Variants in MTUS1 observed in about 807,000 individuals in gnomAD.
MTUS1 encodes microtubule associated scaffold protein 1, also known as microtubule-associated tumor suppressor 1.
A neutral mutation model predicts 120.8 loss-of-function variants in MTUS1; 109 were observed. That is an observed-to-expected ratio of 0.90 (90% CI 0.77 to 1.06). MTUS1 has a LOEUF of 1.06. MTUS1 is among the 50% of genes least tolerant of loss of function. The pLI is 0.00. For synonymous variants in MTUS1, 737 were observed against 550.5 expected, an observed-to-expected ratio of 1.34 and a Z score of -4.74; for missense variants, 2,210 against 1,486.3, an observed-to-expected ratio of 1.49 and a Z score of -8.01.
intron 8 of MTUS1, among the ~76,000 whole-genome samples, chr8:17,659,942 CCATT>C (rs1167538144): frequency 2.0e-5 from 3 of 152,158 alleles, no homozygotes; most frequent in African/African-American, 7.2e-5. Context: ...ATGAATCTGA[CCATT>C]CAGTACCTCA....
intron 1 of MTUS1, among the ~76,000 whole-genome samples, chr8:17,775,829 G>A (rs2050382556): frequency 6.6e-6 from 1 of 152,088 alleles, no homozygotes; most frequent in Admixed American, 6.5e-5. Flanking sequence ...CCCAGTGGGG[G>A]CCTAAAAATA....
At chr8:17,779,197 C>T (rs2050686994) in intron 1 of MTUS1, among the ~76,000 whole-genome samples, 1 of 152,174 alleles carries the variant, frequency 6.6e-6, no homozygotes, top group African/African-American at 2.4e-5. Context: ...TTAACAGCAA[C>T]TCAACTGTTT....
intron 3 of MTUS1, among the ~76,000 whole-genome samples, chr8:17,727,448 T>TGGAGCTCTTACTGGACA (rs1488243000): frequency 1.3e-5 from 2 of 152,206 alleles, no homozygotes; most frequent in African/African-American, 4.8e-5. Context: ...GAGTTCAGAA[T>TGGAGCTCTTACTGGACA]GGAGCTCTTA....
chr8:17,675,294 G>A (rs1812866491), intron 7 of MTUS1, 42 bp from the exon 8 acceptor site: 10 of 1,573,908 alleles, frequency 6.4e-6, no homozygotes, highest in African/African-American at 1.3e-5. Flanking sequence ...TTTCAAGAGG[G>A]TCCCTTTCAG....
intron 7 of MTUS1, 53 bp from the exon 8 acceptor site, chr8:17,675,305 T>A: frequency 6.5e-7 from 1 of 1,532,130 alleles, no homozygotes. Context: ...TCCCTTTCAG[T>A]AAGGTACACA....
Position 17,714,841 on chromosome 8 carries a change from C to G in MTUS1, c.2584+926G>C, listed in dbSNP as rs148398604. On this transcript the variant is annotated intron_variant, in intron 5 of 14. Coordinates refer to ENST00000693296, the MANE Select transcript of MTUS1 (RefSeq NM_001363059.2). ...TTTTATAGGTCAAGTTTCTCACTCA[C>G]AATTATTCGCTCAGGCTTTAGTTAA... Among the ~76,000 whole-genome samples the G allele has an allele frequency of 7.7e-5, 11 of 142,800 alleles. No homozygotes were observed. The East Asian group carries it at 2.5e-3, about 32-fold the overall frequency. The allele number at this position is 142,800 out of a possible 152,430, so 93.7% of individuals were successfully genotyped here.
upstream of MTUS1, chr8:17,801,479 G>T (rs1429753756): frequency 6.6e-6 from 1 of 151,934 alleles, no homozygotes; most frequent in African/African-American, 2.4e-5. Context: ...GCTGGACTCC[G>T]CTCGGGCGCT....
intron 2 of MTUS1, among the ~76,000 whole-genome samples, chr8:17,750,643 T>C (rs2048120062): frequency 6.6e-6 from 1 of 152,202 alleles, no homozygotes; most frequent in African/African-American, 2.4e-5. Context: ...ACAATTGCCC[T>C]GTTGTTATTG....
intron 1 of MTUS1, among the ~76,000 whole-genome samples, chr8:17,764,744 A>C (rs2131400546): frequency 6.6e-6 from 1 of 152,364 alleles, no homozygotes; most frequent in Admixed American, 6.5e-5. Context: ...AAAATGATTT[A>C]CAAAAAAGAG....
intron 1 of MTUS1, among the ~76,000 whole-genome samples, chr8:17,763,346 G>A (rs17125294): frequency 0.015 from 2,239 of 152,250 alleles, 62 homozygotes; most frequent in African/African-American, 0.051. Context: ...CTTAATTTAT[G>A]CTTTTGAATG....
intron 13 of MTUS1, among the ~76,000 whole-genome samples, chr8:17,647,486 T>A (rs80128514): frequency 0.031 from 4,747 of 152,080 alleles, 168 homozygotes; most frequent in South Asian, 0.11. Context: ...TTCCCACATC[T>A]GATGAAAACT....
chr8:17,652,297 T>C (rs986408208), intron 12 of MTUS1, among the ~76,000 whole-genome samples: 1 of 152,206 alleles, frequency 6.6e-6, no homozygotes, highest in African/African-American at 2.4e-5. Context: ...CGGCGAAATA[T>C]TATTCATCCA....
intron 3 of MTUS1, among the ~76,000 whole-genome samples, chr8:17,742,084 A>C (rs1291711152): frequency 6.6e-6 from 1 of 151,988 alleles, no homozygotes; most frequent in Non-Finnish European, 1.5e-5. Context: ...TACAGTAAGG[A>C]CCAGAGCTTT....
intron 2 of MTUS1, 98 bp downstream of exon 2, chr8:17,753,619 C>G (rs879167376): frequency 1.3e-6 from 1 of 786,740 alleles, no homozygotes. Context: ...CCACCTGGTT[C>G]TGCAATATTA....
At chr8:17,651,910 T>C (rs940885871) in intron 12 of MTUS1, 17 of 152,216 alleles carry the variant, frequency 1.1e-4, no homozygotes, top group African/African-American at 3.6e-4. Context: ...TAGATTTCTT[T>C]TGAAATCACT....
intron 6 of MTUS1, among the ~76,000 whole-genome samples, chr8:17,704,544 G>A (rs1284753486): frequency 6.6e-6 from 1 of 152,018 alleles, no homozygotes; most frequent in Non-Finnish European, 1.5e-5. Flanking sequence ...TCCCTATTGT[G>A]TATTCTTGGC....
At chr8:17,663,224 G>C (rs952636604) in intron 8 of MTUS1, among the ~76,000 whole-genome samples, 1 of 152,146 alleles carries the variant, frequency 6.6e-6, no homozygotes, top group Admixed American at 6.5e-5. Flanking sequence ...AACTGGAGTG[G>C]AGCCATTACT....
chr8:17,780,037 T>G (rs1272381633), intron 1 of MTUS1, among the ~76,000 whole-genome samples: 1 of 152,082 alleles, frequency 6.6e-6, no homozygotes, highest in Non-Finnish European at 1.5e-5. Flanking sequence ...TGGGGCCTGG[T>G]GGGAGATGAC....
At chr8:17,799,732 C>G (rs2052529720) in intron 1 of MTUS1, among the ~76,000 whole-genome samples, 1 of 151,960 alleles carries the variant, frequency 6.6e-6, no homozygotes. Flanking sequence ...GATTTTCTAC[C>G]AAGCAGATTT....
Sources: gnomAD v4.1 joint callset for allele counts (sites outside exome capture counted in the v4.1 genomes callset) on GRCh38, gnomAD v4.1.1 for gene constraint, MANE v1.5 for transcripts, NCBI Gene and HGNC (gene_info 2026-07-23, HGNC 2026-07-21) for gene names.